ADCY2: variants seen among roughly 807,000 people sequenced by gnomAD.
ADCY2 encodes adenylate cyclase type 2.
A neutral mutation model predicts 125.2 loss-of-function variants in ADCY2; 31 were observed. The observed-to-expected ratio is 0.25, with a 90% CI of 0.19 to 0.33. The LOEUF (loss-of-function observed/expected upper bound fraction) is 0.33, where lower values mean the gene tolerates loss of function less well. Ranked by LOEUF, ADCY2 falls within the 10% of genes least tolerant of loss-of-function variation. The pLI is 1.00. For synonymous variants in ADCY2, 512 were observed against 548.4 expected (o/e 0.93, Z 0.93); for missense variants, 904 against 1,418.2 (o/e 0.64, Z 5.82).
At chr5:7,446,459 T>C (rs1055841420) in intron 2 of ADCY2, among the ~76,000 whole-genome samples, 5 of 152,188 alleles carry the variant, frequency 3.3e-5, no homozygotes, top group Non-Finnish European at 1.5e-5. Context: ...TTCTGGGATA[T>C]TTCAATTGTC....
At chr5:7,545,391 T>G (rs995342075) in intron 3 of ADCY2, among the ~76,000 whole-genome samples, 1 of 152,206 alleles carries the variant, frequency 6.6e-6, no homozygotes, top group Non-Finnish European at 1.5e-5. Flanking sequence ...AGAACCTGTT[T>G]CCTACTGGTG....
intron 14 of ADCY2, 54 bp from the exon 15 acceptor site, chr5:7,743,614 C>T (rs1282636823): frequency 6.5e-7 from 1 of 1,538,688 alleles, no homozygotes; most frequent in Non-Finnish European, 9.0e-7. Context: ...GGTAGCTTTC[C>T]AGAATGAGAG....
At chr5:7,747,587 G>C (rs988761049) in intron 15 of ADCY2, among the ~76,000 whole-genome samples, 1 of 152,020 alleles carries the variant, frequency 6.6e-6, no homozygotes, top group African/African-American at 2.4e-5. Context: ...CCTTCATCAC[G>C]CTGCGTCAAA....
At chr5:7,749,786 G>A (rs957646960) in intron 15 of ADCY2, 1 of 152,160 alleles carries the variant, frequency 6.6e-6, no homozygotes, top group African/African-American at 2.4e-5. Context: ...GCCCACCAAC[G>A]TTCTTCCAGG....
intron 24 of ADCY2, among the ~76,000 whole-genome samples, chr5:7,824,262 A>G (rs1356768305): frequency 1.3e-5 from 2 of 152,036 alleles, no homozygotes; most frequent in Non-Finnish European, 1.5e-5. Context: ...TAGCAAGCCC[A>G]CTCAGCAACC....
chr5:7,488,121 A>G (rs1437881099), intron 2 of ADCY2, among the ~76,000 whole-genome samples: 1 of 152,100 alleles, frequency 6.6e-6, no homozygotes, highest in African/African-American at 2.4e-5. Context: ...CCCATGTGTA[A>G]AGGGAGGGGC....
At chr5:7,654,493 C>T (rs985620190) in intron 4 of ADCY2, among the ~76,000 whole-genome samples, 4 of 152,112 alleles carry the variant, frequency 2.6e-5, no homozygotes, top group Non-Finnish European at 5.9e-5. Flanking sequence ...GGGATGGGTT[C>T]CTTCCATGAA....
At chr5:7,808,717 C>T (rs975747529) in intron 22 of ADCY2, among the ~76,000 whole-genome samples, 7 of 152,150 alleles carry the variant, frequency 4.6e-5, no homozygotes, top group Admixed American at 4.6e-4. Flanking sequence ...CCACCAGCCC[C>T]CACCCTTTCC....
intron 3 of ADCY2, among the ~76,000 whole-genome samples, chr5:7,562,090 A>G (rs1396042088): frequency 6.6e-6 from 1 of 152,112 alleles, no homozygotes; most frequent in African/African-American, 2.4e-5. Context: ...ATAATTTTCT[A>G]AAATTATGTT....
intron 4 of ADCY2, among the ~76,000 whole-genome samples, chr5:7,629,808 G>T (rs1738257796): frequency 6.6e-6 from 1 of 152,296 alleles, no homozygotes; most frequent in East Asian, 1.9e-4. Flanking sequence ...GCTCTCTGGG[G>T]TATGTAATAG....
At chr5:7,592,687 C>T (rs2126627237) in intron 3 of ADCY2, among the ~76,000 whole-genome samples, 1 of 152,260 alleles carries the variant, frequency 6.6e-6, no homozygotes, top group South Asian at 2.1e-4. Context: ...GATGCCAAAA[C>T]AATCATCAGT....
chr5:7,662,840 A>G (rs922385012), intron 4 of ADCY2, among the ~76,000 whole-genome samples: 6 of 152,216 alleles, frequency 3.9e-5, no homozygotes, highest in African/African-American at 1.4e-4. Flanking sequence ...TTCTGGGTAC[A>G]CTGCCTTTGG....
At chr5:7,697,408 G>A (rs973022436) in intron 6 of ADCY2, among the ~76,000 whole-genome samples, 2 of 152,084 alleles carry the variant, frequency 1.3e-5, no homozygotes, top group East Asian at 1.9e-4. Flanking sequence ...ATAACGGGGG[G>A]TTATTGTCAG....
chr5:7,806,089 G>C (rs1045863141), intron 22 of ADCY2, among the ~76,000 whole-genome samples: 1 of 152,108 alleles, frequency 6.6e-6, no homozygotes, highest in African/African-American at 2.4e-5. Context: ...CCTCTGCATG[G>C]TGTTGTAGAT....
chr5:7,445,509 G>GA (rs1216512610), intron 2 of ADCY2, among the ~76,000 whole-genome samples: 2 of 152,056 alleles, frequency 1.3e-5, no homozygotes, highest in African/African-American at 4.8e-5. Flanking sequence ...CCTACCCTCA[G>GA]AAAAAAATTA....
At chr5:7,490,486 A>G (rs1384659050) in intron 2 of ADCY2, among the ~76,000 whole-genome samples, 2 of 152,158 alleles carry the variant, frequency 1.3e-5, no homozygotes. Flanking sequence ...ATTAGGAGCA[A>G]TGAGGCCACA....
rs13354956 is a variant in ADCY2 at position 7,595,634 on chromosome 5, A to C, written c.571-30533A>C. Among the ~76,000 whole-genome samples, 1,331 of 152,304 alleles carry C rather than the reference A, an allele frequency of 8.7e-3. 20 individuals carry two copies. Among genetic ancestry groups the C allele is most frequent in the African/African-American group, 0.03 (1,254 of 41,564 alleles). On this transcript the variant is annotated intron_variant, in intron 3 of 24. Transcript: ENST00000338316. ...ATTACAAGTGACTTAATTTGTAAAT[A>C]TAATCATCTCTTAGTAGCCAAAGGA... is the stretch of plus-strand genomic sequence containing the variant.
At chr5:7,699,583 TTTTG>T (rs1039090128) in intron 7 of ADCY2, among the ~76,000 whole-genome samples, 15 of 152,190 alleles carry the variant, frequency 9.9e-5, no homozygotes, top group East Asian at 5.8e-4. Context: ...TTAGTATTAT[TTTTG>T]TTTGTTTGTT....
chr5:7,439,719 T>A (rs1011205857), intron 2 of ADCY2, among the ~76,000 whole-genome samples: 1 of 151,876 alleles, frequency 6.6e-6, no homozygotes, highest in African/African-American at 2.4e-5. Flanking sequence ...AGTTCCAGAG[T>A]CCATATTTTA....
Sources: gnomAD v4.1 joint callset for allele counts (sites outside exome capture counted in the v4.1 genomes callset) on GRCh38, gnomAD v4.1.1 for gene constraint, MANE v1.5 for transcripts, NCBI Gene and HGNC (gene_info 2026-07-23, HGNC 2026-07-21) for gene names.